DPYD: variants seen among roughly 807,000 people sequenced by gnomAD.
DPYD encodes dihydropyrimidine dehydrogenase, also known as dihydropyrimidine dehydrogenase [NADP(+)].
A neutral mutation model predicts 116.2 loss-of-function variants in DPYD; 109 were observed. The ratio of observed to expected loss-of-function variants is 0.94; its 90% confidence interval spans 0.80 to 1.10. DPYD has a LOEUF of 1.10. DPYD is among the 50% of genes least tolerant of loss of function. The probability of loss-of-function intolerance (pLI) is 0.00; values close to 1 mark genes in which losing one functional copy is unlikely to be tolerated. For synonymous variants in DPYD, 440 were observed against 432.0 expected (o/e 1.02, Z -0.23); for missense variants, 1,302 against 1,254.5 (o/e 1.04, Z -0.57).
At chr1:97,749,687 G>A (rs1664764769) in intron 3 of DPYD, among the ~76,000 whole-genome samples, 1 of 152,116 alleles carries the variant, frequency 6.6e-6, no homozygotes, top group African/African-American at 2.4e-5. Context: ...ATTTTTTACA[G>A]TCCAATCATT....
intron 5 of DPYD, chr1:97,720,796 G>C: frequency 3.9e-6 from 6 of 1,548,366 alleles, no homozygotes; most frequent in Non-Finnish European, 5.2e-6. Context: ...CATATAAGCT[G>C]ATCATTTAAA....
chr1:97,881,867 G>T lies in DPYD; in HGVS notation c.150+1397C>A, dbSNP rs943848568. 2.6e-5 allele frequency among the ~76,000 whole-genome samples: 4 copies of T among 151,788 alleles called. No homozygotes were observed. In the East Asian group the frequency reaches 5.9e-4, roughly 22 times the overall value. ...CACACTCTGGGGACTGTTGTGGGGT[G>T]GGGGGTGGAGGGATAGCATTAGGAG... On this transcript the variant is annotated intron_variant, in intron 2 of 22. Coordinates refer to ENST00000370192, the MANE Select transcript of DPYD (RefSeq NM_000110.4).
chr1:97,380,143 A>C (rs1671864306), intron 15 of DPYD, among the ~76,000 whole-genome samples: 1 of 152,240 alleles, frequency 6.6e-6, no homozygotes, highest in Admixed American at 6.5e-5. Context: ...ACTGGATTAA[A>C]GATCCATTTA....
chr1:97,264,069 G>A (rs1664059382), intron 18 of DPYD, among the ~76,000 whole-genome samples: 1 of 150,792 alleles, frequency 6.6e-6, no homozygotes, highest in Non-Finnish European at 1.5e-5. Context: ...TGAGAATCAG[G>A]CTGAAATGGA....
intron 3 of DPYD, among the ~76,000 whole-genome samples, chr1:97,783,302 G>A (rs968021701): frequency 3.9e-5 from 6 of 152,086 alleles, no homozygotes; most frequent in Admixed American, 6.5e-5. Context: ...GTGCTTTATC[G>A]GGTTTGGCAA....
chr1:97,635,664 T>C (rs1406144696), intron 8 of DPYD, among the ~76,000 whole-genome samples: 1 of 152,166 alleles, frequency 6.6e-6, no homozygotes, highest in African/African-American at 2.4e-5. Flanking sequence ...AGTGTCTATA[T>C]TGTACATGTA....
At chr1:97,520,495 T>C (rs1648566847) in intron 12 of DPYD, among the ~76,000 whole-genome samples, 1 of 152,110 alleles carries the variant, frequency 6.6e-6, no homozygotes, top group Admixed American at 6.6e-5. Flanking sequence ...TTTACTTTAG[T>C]ATTATTCTTT....
intron 14 of DPYD, among the ~76,000 whole-genome samples, chr1:97,391,665 C>A (rs1672711964): frequency 6.6e-6 from 1 of 151,948 alleles, no homozygotes; most frequent in South Asian, 2.1e-4. Context: ...CATTTCTTCC[C>A]TGGATTACTG....
At chr1:97,091,349 G>C (rs1363619365) in intron 21 of DPYD, among the ~76,000 whole-genome samples, 1 of 152,042 alleles carries the variant, frequency 6.6e-6, no homozygotes, top group East Asian at 1.9e-4. Flanking sequence ...AGATAACCCA[G>C]GTCCTCCAGG....
chr1:97,106,208 C>A (rs372447594), intron 20 of DPYD, among the ~76,000 whole-genome samples: 1 of 151,988 alleles, frequency 6.6e-6, no homozygotes, highest in African/African-American at 2.4e-5. Context: ...GTTCTAAGGT[C>A]ATCATTATTT....
At chr1:97,822,087 T>TA (rs1668968597) in intron 3 of DPYD, among the ~76,000 whole-genome samples, 1 of 151,398 alleles carries the variant, frequency 6.6e-6, no homozygotes, top group Admixed American at 6.6e-5. Flanking sequence ...TTACAGAAAA[T>TA]ATAGAATGGA....
intron 7 of DPYD, among the ~76,000 whole-genome samples, chr1:97,689,680 A>C (rs921675981): frequency 8.6e-5 from 13 of 152,036 alleles, no homozygotes; most frequent in Non-Finnish European, 1.8e-4. Context: ...AGACAAACAG[A>C]AGGCAAATTA....
chr1:97,133,577 G>T (rs1040215482), intron 20 of DPYD, among the ~76,000 whole-genome samples: 7 of 151,886 alleles, frequency 4.6e-5, no homozygotes, highest in African/African-American at 1.7e-4. Context: ...AGACACTTTT[G>T]ATCTTTTTCT....
intron 12 of DPYD, among the ~76,000 whole-genome samples, chr1:97,540,779 G>A (rs1650395108): frequency 6.6e-6 from 1 of 152,094 alleles, no homozygotes; most frequent in South Asian, 2.1e-4. Flanking sequence ...CAGTCCTTCT[G>A]GTGACTAGCC....
rs574734299 is a variant in DPYD, at chr1:97,339,069, T to TA, written c.2059-32773dup. ...CAGTTCTAAAATCAAAGAGAGGAGG[T>TA]AAAAAAAAAAGAGAGTAGCTACTGC... On this transcript the variant is annotated intron_variant, in intron 16 of 22. Transcript: ENST00000370192. Among the ~76,000 whole-genome samples the TA allele has an allele frequency of 8.1e-3, 1,161 of 143,482 alleles. 14 individuals carry two copies. The highest frequency in any genetic ancestry group is 0.018 in the African/African-American group (694 of 39,002). The allele number at this position is 143,482 out of a possible 152,430, so 94.1% of individuals were successfully genotyped here.
intron 6 of DPYD, among the ~76,000 whole-genome samples, chr1:97,695,176 C>A (rs968011585): frequency 3.9e-5 from 6 of 151,980 alleles, no homozygotes; most frequent in Admixed American, 2.6e-4. Flanking sequence ...TACTTCAATT[C>A]TGTCATTTTG....
At chr1:97,487,597 T>C (rs896597026) in intron 13 of DPYD, among the ~76,000 whole-genome samples, 26 of 151,996 alleles carry the variant, frequency 1.7e-4, no homozygotes, top group Non-Finnish European at 2.2e-4. Context: ...GGCGTGAACC[T>C]GGGAGGCGGA....
At chr1:97,174,546 G>A (rs1394714030) in intron 20 of DPYD, among the ~76,000 whole-genome samples, 2 of 152,148 alleles carry the variant, frequency 1.3e-5, no homozygotes, top group Admixed American at 6.6e-5. Flanking sequence ...CTTTAAGCTG[G>A]TTTCCAGCCA....
chr1:97,602,494 A>G (rs1485609324), intron 8 of DPYD, among the ~76,000 whole-genome samples: 1 of 151,994 alleles, frequency 6.6e-6, no homozygotes, highest in African/African-American at 2.4e-5. Flanking sequence ...TGAAATTCTT[A>G]TAGAGGATTT....
Sources: allele counts gnomAD v4.1 joint callset (sites outside exome capture counted in the v4.1 genomes callset), GRCh38; gene constraint gnomAD v4.1.1; transcripts MANE v1.5; gene names NCBI Gene and HGNC (gene_info 2026-07-23, HGNC 2026-07-21).